The following CDH6 variants were observed in gnomAD, a reference collection of about 807,000 sequenced individuals.
CDH6 encodes cadherin 6.
Under a neutral mutation model 78.0 loss-of-function variants are expected in CDH6, and 31 were observed. That is an observed-to-expected ratio of 0.40 (90% confidence interval 0.30 to 0.54). The LOEUF is 0.54. Among genes scored for constraint, CDH6 ranks in the 20% least tolerant of loss-of-function variants. The pLI, the probability that CDH6 is intolerant of heterozygous loss-of-function variation, is 0.56. For synonymous variants in CDH6, 376 were observed against 368.8 expected (o/e 1.02, Z -0.23); for missense variants, 724 against 975.9 (o/e 0.74, Z 3.44).
intron 1 of CDH6, among the ~76,000 whole-genome samples, chr5:31,257,040 T>C (rs1392840987): frequency 6.6e-6 from 1 of 152,236 alleles, no homozygotes; most frequent in Non-Finnish European, 1.5e-5. Flanking sequence ...CCATGCCTTT[T>C]CAAACCAAAC....
Position 31,305,394 on chromosome 5 carries a change from C to T in CDH6, c.1220C>T (p.Ala407Val). The T allele has an allele frequency of 6.2e-7, 1 of 1,614,002 alleles. No individual in the cohort carries two copies. The highest frequency in any genetic ancestry group is 1.7e-5 in the Admixed American group (1 of 60,018). ...AACACCACAATAGGCTCCGTCACAG[C>T]CCAAGATCCAGATGCTGCCAGGAAT... is the stretch of plus-strand genomic sequence containing the variant. ...QINTTIGSVT[A>V]QDPDAARNPV... The change falls in exon 7 of 12, where the codon GCC becomes GTC. Residue 407 changes from alanine (A) to valine (V), a missense_variant. Physicochemically the swap from Ala to Val is moderately conservative, Grantham distance 64 (BLOSUM62 0). Coordinates refer to ENST00000265071, the MANE Select transcript of CDH6 (RefSeq NM_004932.4).
chr5:31,303,986 G>A (rs1294225948), intron 6 of CDH6, among the ~76,000 whole-genome samples: 1 of 152,048 alleles, frequency 6.6e-6, no homozygotes, highest in African/African-American at 2.4e-5. Flanking sequence ...TTTCTAGTGA[G>A]CCTTGTCATA....
At chr5:31,226,796 C>T (rs1741165578) in intron 1 of CDH6, among the ~76,000 whole-genome samples, 1 of 152,272 alleles carries the variant, frequency 6.6e-6, no homozygotes, top group East Asian at 1.9e-4. Context: ...TTTGGGACTG[C>T]AAATACGTTG....
chr5:31,291,589 C>T (rs528503444), intron 2 of CDH6, among the ~76,000 whole-genome samples: 1 of 152,108 alleles, frequency 6.6e-6, no homozygotes, highest in South Asian at 2.1e-4. Flanking sequence ...GAACATGGCT[C>T]ATGCCTAGGA....
At chr5:31,275,057 A>T (rs1742653074) in intron 2 of CDH6, among the ~76,000 whole-genome samples, 1 of 152,234 alleles carries the variant, frequency 6.6e-6, no homozygotes, top group Non-Finnish European at 1.5e-5. Flanking sequence ...TAGTATTAGT[A>T]AACCACGTAG....
At chr5:31,211,069 C>T (rs1025364769) in intron 1 of CDH6, among the ~76,000 whole-genome samples, 9 of 152,120 alleles carry the variant, frequency 5.9e-5, no homozygotes, top group African/African-American at 1.9e-4. Context: ...TTATTTTAGC[C>T]TGTGTGTGAA....
intron 1 of CDH6, among the ~76,000 whole-genome samples, chr5:31,232,164 G>C (rs1741327786): frequency 1.3e-5 from 2 of 152,158 alleles, no homozygotes; most frequent in African/African-American, 4.8e-5. Flanking sequence ...TTAAGGCAAG[G>C]AGAAAATGAG....
chr5:31,306,177 C>T (rs1737985744), intron 7 of CDH6, among the ~76,000 whole-genome samples: 2 of 152,138 alleles, frequency 1.3e-5, no homozygotes, highest in African/African-American at 4.8e-5. Flanking sequence ...ACTTAAAAGA[C>T]AGAATTATCC....
At chr5:31,287,356 A>G (rs569654866) in intron 2 of CDH6, among the ~76,000 whole-genome samples, 1 of 152,300 alleles carries the variant, frequency 6.6e-6, no homozygotes, top group Admixed American at 6.5e-5. Flanking sequence ...GGAAAGTCAG[A>G]ATTCAGATCC....
intron 3 of CDH6, among the ~76,000 whole-genome samples, chr5:31,295,933 G>T (rs1178309612): frequency 6.6e-6 from 1 of 152,144 alleles, no homozygotes; most frequent in East Asian, 1.9e-4. Flanking sequence ...CAAATTTTGT[G>T]TTAATGTTAA....
intron 1 of CDH6, among the ~76,000 whole-genome samples, chr5:31,256,153 T>G (rs1462690228): frequency 6.6e-6 from 1 of 152,202 alleles, no homozygotes; most frequent in East Asian, 1.9e-4. Flanking sequence ...ATTCCCCATC[T>G]TTAAATTATT....
At chr5:31,236,484 G>A (rs186673073) in intron 1 of CDH6, among the ~76,000 whole-genome samples, 4 of 152,270 alleles carry the variant, frequency 2.6e-5, no homozygotes, top group East Asian at 1.9e-4. Flanking sequence ...CTCTCCGATC[G>A]TCTTAGTTCC....
At chr5:31,197,570 TA>T (rs1463567142) in intron 1 of CDH6, among the ~76,000 whole-genome samples, 3 of 152,212 alleles carry the variant, frequency 2.0e-5, no homozygotes, top group Non-Finnish European at 2.9e-5. Context: ...CTGGTTTAAA[TA>T]TTTTTCTGAA....
At chr5:31,266,083 T>C (rs552821363) in intron 1 of CDH6, among the ~76,000 whole-genome samples, 6 of 152,234 alleles carry the variant, frequency 3.9e-5, no homozygotes, top group Admixed American at 2.6e-4. Flanking sequence ...GGCAAGACAA[T>C]GTTTTTTCTA....
chr5:31,205,539 T>C (rs1206526557), intron 1 of CDH6, among the ~76,000 whole-genome samples: 3 of 152,248 alleles, frequency 2.0e-5, no homozygotes, highest in African/African-American at 7.2e-5. Flanking sequence ...GATATTTTAA[T>C]TCTTAGTTTG....
chr5:31,313,028 CTT>C (rs372953014), intron 7 of CDH6, among the ~76,000 whole-genome samples: 44 of 151,730 alleles, frequency 2.9e-4, no homozygotes, highest in Non-Finnish European at 6.3e-4. Context: ...ACTATATAAA[CTT>C]GATCCAAATT....
chr5:31,267,591 C>A lies in CDH6; in HGVS notation c.118C>A (p.Leu40Ile), dbSNP rs747260776. ...CCCAGCAAAGAAAAGGGCCCTGGAG[C>A]TCTCTGGAAACAGCAAAAATGAGCT... is the stretch of plus-strand genomic sequence containing the variant. ...GFPAKKRALE[L>I]SGNSKNELNR... The change falls in exon 2 of 12, where the codon CTC becomes ATC. Residue 40 changes from leucine (L) to isoleucine (I), a missense_variant. This residue lies in a region of CDH6 where 58 missense variants were observed against 50.8 expected (regional missense o/e 1.14). Transcript: ENST00000265071. 6.2e-6 allele frequency: 10 copies of A among 1,613,966 alleles called. No homozygotes were observed. The highest frequency in any genetic ancestry group is 8.5e-6 in the Non-Finnish European group (10 of 1,180,014).
intron 1 of CDH6, among the ~76,000 whole-genome samples, chr5:31,254,110 T>C (rs1741985875): frequency 6.6e-6 from 1 of 152,142 alleles, no homozygotes; most frequent in Admixed American, 6.5e-5. Flanking sequence ...GAATTTTCCT[T>C]TTTACCAGCT....
At chr5:31,218,718 A>C (rs1437436309) in intron 1 of CDH6, among the ~76,000 whole-genome samples, 2 of 152,126 alleles carry the variant, frequency 1.3e-5, no homozygotes, top group African/African-American at 4.8e-5. Context: ...AAACTCCAGC[A>C]CAGACCTCCA....
Sources: allele counts gnomAD v4.1 joint callset (sites outside exome capture counted in the v4.1 genomes callset), GRCh38; gene constraint gnomAD v4.1.1; regional missense constraint gnomAD v4.1.1; transcripts MANE v1.5; gene names NCBI Gene and HGNC (gene_info 2026-07-23, HGNC 2026-07-21).